The following KCTD15 variants were observed in gnomAD, a reference collection of about 807,000 sequenced individuals.
KCTD15 encodes potassium channel tetramerization domain containing 15.
A neutral mutation model predicts 27.2 loss-of-function variants in KCTD15; 11 were observed. That is an observed-to-expected ratio of 0.41 (90% CI 0.25 to 0.67). The LOEUF (loss-of-function observed/expected upper bound fraction) is 0.67. Ranked by LOEUF, KCTD15 falls within the 30% of genes least tolerant of loss-of-function variation. KCTD15 has a pLI of 0.35. For missense variants in KCTD15, 350 were observed against 409.3 expected, an observed-to-expected ratio of 0.86 and a Z score of 1.25; for synonymous variants, 163 against 176.0, an observed-to-expected ratio of 0.93 and a Z score of 0.58.
chr19:33,803,319 C>T (rs915145072), intron 4 of KCTD15, among the ~76,000 whole-genome samples: 5 of 152,214 alleles, frequency 3.3e-5, no homozygotes, highest in African/African-American at 7.2e-5. Flanking sequence ...CTCTCTTGTC[C>T]TTCCTGTAGT....
At chr19:33,794,308 G>A (rs1487309641), upstream of KCTD15, among the ~76,000 whole-genome samples, 1 of 152,216 alleles carries the variant, frequency 6.6e-6, no homozygotes, top group Admixed American at 6.5e-5. Flanking sequence ...ACCCGTCCTT[G>A]ACATGTACCT....
chr19:33,799,857 C>T (rs972798622), intron 2 of KCTD15: 2 of 152,850 alleles, frequency 1.3e-5, no homozygotes, highest in East Asian at 1.9e-4. Flanking sequence ...GAAGAGGCGG[C>T]TTCCCAAGTG....
rs1254801296 is a variant in KCTD15 at position 33,797,271 on chromosome 19, TGTGTGTGTGTGTGC to T, written c.-127+286_-127+299del. The T allele has an allele frequency of 2.7e-3, 831 of 305,296 alleles. 25 individuals carry two copies. Among genetic ancestry groups the T allele is most frequent in the Non-Finnish European group, 3.4e-3 (532 of 155,468 alleles). The allele number at this position is 305,296 out of a possible 1,614,324, so 18.9% of individuals were successfully genotyped here. The stretch of plus-strand genomic sequence containing the variant: ...CGGTGTGTGTGTGTGTGTGTGTGTG[TGTGTGTGTGTGTGC>T]GCGCGCGCGCGCGCGCGCTTGTGGA... On this transcript the variant is annotated intron_variant, in intron 1 of 6. Transcript: ENST00000683859.
intron 4 of KCTD15, 92 bp downstream of exon 4, chr19:33,801,434 C>T: frequency 8.8e-7 from 1 of 1,133,908 alleles, no homozygotes; most frequent in Non-Finnish European, 1.2e-6. Context: ...TCCCCACTGT[C>T]ACTCCACCCA....
Position 33,800,540 on chromosome 19 carries a change from T to G in KCTD15, c.66+20T>G. 1 of 1,573,598 alleles carries G rather than the reference T, an allele frequency of 6.4e-7. No individual in the cohort carries two copies. Among genetic ancestry groups the G allele is most frequent in the South Asian group, 1.2e-5 (1 of 85,814 alleles). ...ACCGCGGTGAGCCTGCAGGGTGGGCTGGGTCCCTGCCGGGAGTTCCCTCTT... is the reference window on the plus strand; with the variant it reads ...ACCGCGGTGAGCCTGCAGGGTGGGCGGGGTCCCTGCCGGGAGTTCCCTCTT... On this transcript the variant is annotated intron_variant, in intron 3 of 6. Coordinates refer to ENST00000683859, the MANE Select transcript of KCTD15 (RefSeq NM_001129994.2).
At chr19:33,807,852 A>G (rs1975762982) in intron 5 of KCTD15, among the ~76,000 whole-genome samples, 1 of 152,122 alleles carries the variant, frequency 6.6e-6, no homozygotes, top group African/African-American at 2.4e-5. Context: ...AGGCAGGAGA[A>G]TCTCTTGAAC....
chr19:33,811,481 G>T lies in KCTD15; in HGVS notation c.622G>T (p.Gly208Cys), dbSNP rs939600485. ...GDVMCNSVNA[G>C]WNQDPTHVIR... is the part of the protein sequence containing the mutation. ...CGTCATGTGCAACTCCGTCAACGCC[G>T]GCTGGAACCAGGACCCCACGCACGT... Residue 208 changes from glycine (G) to cysteine (C), a missense_variant, in exon 6 of 7, where the codon GGC (glycine) becomes TGC (cysteine). Physicochemically the swap from Gly to Cys is radical, Grantham distance 159. Coordinates refer to ENST00000683859, the MANE Select transcript of KCTD15 (RefSeq NM_001129994.2). 1 of 1,612,730 alleles carries T rather than the reference G, an allele frequency of 6.2e-7. No individual in the cohort carries two copies. The highest frequency in any genetic ancestry group is 1.3e-5 in the African/African-American group (1 of 74,922).
At chr19:33,812,198 A>T in intron 6 of KCTD15, 1 of 1,115,466 alleles carries the variant, frequency 9.0e-7, no homozygotes, top group Admixed American at 4.6e-5. Flanking sequence ...TGTTACACGC[A>T]GTCATCAGAC....
At chr19:33,804,985 T>C (rs1448813459) in intron 4 of KCTD15, among the ~76,000 whole-genome samples, 1 of 152,144 alleles carries the variant, frequency 6.6e-6, no homozygotes, top group East Asian at 1.9e-4. Flanking sequence ...CTGGAGTACG[T>C]GGTGTGATCT....
chr19:33,813,333 C>T lies in KCTD15; in HGVS notation c.*385C>T, dbSNP rs1195278541. 1.0e-5 allele frequency: 5 copies of T among 501,498 alleles called. No homozygotes were observed. Among genetic ancestry groups the T allele is most frequent in the Non-Finnish European group, 1.9e-5 (5 of 261,624 alleles). 31.1% of individuals were successfully genotyped at this position (501,498 alleles called of 1,614,324 possible). A position where few individuals can be genotyped will look rare whatever the true frequency, so the allele number is the denominator to read the frequency against. On this transcript the variant is annotated 3_prime_UTR_variant, in exon 7 of 7. Transcript: ENST00000683859. ...ACGCGGGGCAGACTCTGGCGGGTCTCCTAGCGTCCGAGAGATGGCTTATTT... is the reference window on the plus strand; with the variant it reads ...ACGCGGGGCAGACTCTGGCGGGTCTTCTAGCGTCCGAGAGATGGCTTATTT...
In KCTD15 at chr19:33,806,870, C is replaced by T. The variant is rs1181629500; in HGVS notation, c.250C>T (p.Arg84Cys). 7 of 1,613,858 alleles carry T rather than the reference C, an allele frequency of 4.3e-6. No individual in the cohort carries two copies. Among genetic ancestry groups the T allele is most frequent in the Non-Finnish European group, 5.1e-6 (6 of 1,179,876 alleles). ...LTKYPDSRIS[R>C]LFNGTEPIVL... is the part of the protein sequence containing the mutation. ...CTCGCCTGTCTCTCCCAGGATAAGC[C>T]GCCTCTTCAATGGCACTGAACCCAT... Residue 84 changes from arginine (R) to cysteine (C), a missense_variant, in exon 5 of 7, where the codon CGC becomes TGC. Coordinates refer to ENST00000683859, the MANE Select transcript of KCTD15 (RefSeq NM_001129994.2).
chr19:33,812,558 T>C (rs984153127), intron 6 of KCTD15: 1 of 1,263,102 alleles, frequency 7.9e-7, no homozygotes, highest in Admixed American at 4.1e-5. Flanking sequence ...GGTGGGGTCG[T>C]CCAACTAGGT....
At chr19:33,800,552 G>A (rs569560242) in intron 3 of KCTD15, 32 bp downstream of exon 3, 230 of 1,556,160 alleles carry the variant, frequency 1.5e-4, no homozygotes, top group African/African-American at 8.7e-4. Context: ...GGTCCCTGCC[G>A]GGAGTTCCCT....
In KCTD15 at chr19:33,813,272, C is replaced by T. The variant is rs957445094; in HGVS notation, c.*324C>T. ...GTTGGGGCGGGGTTGGAAGAGCCGT[C>T]TGCAGCTACTTCAGAGGAGCTGTTT... On this transcript the variant is annotated 3_prime_UTR_variant, in exon 7 of 7. Transcript: ENST00000683859. 4 of 593,890 alleles carry T rather than the reference C, an allele frequency of 6.7e-6. No homozygotes were observed. In the African/African-American group the frequency reaches 7.3e-5, roughly 11 times the overall value. The allele number at this position is 593,890 out of a possible 1,614,324, so 36.8% of individuals were successfully genotyped here.
chr19:33,805,219 G>A (rs1049670564), intron 4 of KCTD15, among the ~76,000 whole-genome samples: 3 of 152,184 alleles, frequency 2.0e-5, no homozygotes, highest in Admixed American at 1.3e-4. Context: ...ACGGTGCCCA[G>A]CTAAACCGTG....
chr19:33,811,214 A>G, intron 5 of KCTD15, 33 bp from the exon 6 acceptor site: 1 of 1,013,960 alleles, frequency 9.9e-7, no homozygotes, highest in Non-Finnish European at 1.3e-6. Flanking sequence ...CTACTCCGAC[A>G]CCCACATCAA....
At position 33,813,219 on chromosome 19, in the gene KCTD15, C is replaced by T. The variant is rs1555731443; in HGVS notation, c.*271C>T. On this transcript the variant is annotated 3_prime_UTR_variant, in exon 7 of 7. Coordinates refer to ENST00000683859, the MANE Select transcript of KCTD15 (RefSeq NM_001129994.2). ...CCAGCCCCTCAGCTTCGCAGCCTGG[C>T]GCAGCATCCTCTGAGGCCCCGGGGC... The T allele has an allele frequency of 7.8e-6, 5 of 641,150 alleles. No individual in the cohort carries two copies. The highest frequency in any genetic ancestry group is 3.0e-5 in the East Asian group (1 of 33,704). The allele number at this position is 641,150 out of a possible 1,614,324, so 39.7% of individuals were successfully genotyped here.
intron 1 of KCTD15, among the ~76,000 whole-genome samples, chr19:33,797,678 C>G (rs1975385434): frequency 6.8e-6 from 1 of 147,602 alleles, no homozygotes; most frequent in Non-Finnish European, 1.5e-5. Context: ...GGGGCGGACC[C>G]CCGCCTCTGC....
intron 3 of KCTD15, 70 bp downstream of exon 3, chr19:33,800,590 AC>A: frequency 7.2e-7 from 1 of 1,390,268 alleles, no homozygotes; most frequent in South Asian, 1.2e-5. Flanking sequence ...GTGCCTGTTT[AC>A]TGGCTGTCCT....
Sources: gnomAD v4.1 joint callset for allele counts (sites outside exome capture counted in the v4.1 genomes callset) on GRCh38, gnomAD v4.1.1 for gene constraint, MANE v1.5 for transcripts, NCBI Gene and HGNC (gene_info 2026-07-23, HGNC 2026-07-21) for gene names.